ROBO1: variants seen among roughly 807,000 people sequenced by gnomAD.
The protein encoded by ROBO1 is roundabout guidance receptor 1.
In ROBO1, 149 loss-of-function variants were observed where a neutral mutation model predicts 195.9. That is an observed-to-expected ratio of 0.76 (90% CI 0.67 to 0.87). The LOEUF is 0.87. Ranked by LOEUF, ROBO1 falls within the 40% of genes least tolerant of loss-of-function variation. The pLI is 0.00. For missense variants in ROBO1, 1,933 were observed against 2,068.3 expected, an observed-to-expected ratio of 0.93 and a Z score of 1.27; for synonymous variants, 816 against 733.2, an observed-to-expected ratio of 1.11 and a Z score of -1.82.
intron 3 of ROBO1, among the ~76,000 whole-genome samples, chr3:79,072,394 T>G (rs551459719): frequency 1.3e-5 from 2 of 152,012 alleles, no homozygotes; most frequent in African/African-American, 4.8e-5. Context: ...CTAATATATA[T>G]TACTTTGGGA....
At chr3:78,884,889 T>C (rs1053740231) in intron 4 of ROBO1, among the ~76,000 whole-genome samples, 9 of 151,910 alleles carry the variant, frequency 5.9e-5, no homozygotes, top group African/African-American at 2.2e-4. Flanking sequence ...TGTGTGTGTG[T>C]GTGTATTTCT....
rs1225388171 is a variant in ROBO1 at position 79,717,461 on chromosome 3, T to C, written c.-51+50291A>G. ...CAATCTTGGTGAGCCAGGAAAAATA[T>C]ATGGCATGAAATAAACATTAATTGG... is the stretch of plus-strand genomic sequence containing the variant. On this transcript the variant is annotated intron_variant, in intron 1 of 30. Coordinates refer to ENST00000464233, the MANE Select transcript of ROBO1 (RefSeq NM_002941.4). Among the ~76,000 whole-genome samples, 5 of 152,112 alleles carry C rather than the reference T, an allele frequency of 3.3e-5. No homozygotes were observed. The East Asian group carries it at 9.7e-4, about 29-fold the overall frequency.
chr3:79,676,973 G>A (rs1169069234), intron 1 of ROBO1, among the ~76,000 whole-genome samples: 1 of 151,972 alleles, frequency 6.6e-6, no homozygotes, highest in Non-Finnish European at 1.5e-5. Context: ...GGGAACCTTG[G>A]GATTGGGTAG....
At chr3:79,756,175 A>G (rs1704382090) in intron 1 of ROBO1, among the ~76,000 whole-genome samples, 1 of 152,202 alleles carries the variant, frequency 6.6e-6, no homozygotes. Context: ...TCCTCCTAAT[A>G]TTAATAGGTG....
chr3:79,731,624 A>G (rs1029921001), intron 1 of ROBO1, among the ~76,000 whole-genome samples: 6 of 152,210 alleles, frequency 3.9e-5, no homozygotes, highest in Admixed American at 1.3e-4. Flanking sequence ...AAAGCATTAC[A>G]TATTGAGTAG....
chr3:78,924,808 T>G (rs1399446188), intron 4 of ROBO1, among the ~76,000 whole-genome samples: 2 of 152,164 alleles, frequency 1.3e-5, no homozygotes, highest in Non-Finnish European at 2.9e-5. Flanking sequence ...GTGTCTCACT[T>G]TAAACAAAAG....
At chr3:79,210,946 G>A (rs1473933686) in intron 2 of ROBO1, among the ~76,000 whole-genome samples, 1 of 151,968 alleles carries the variant, frequency 6.6e-6, no homozygotes, top group African/African-American at 2.4e-5. Context: ...TTCAAGCATA[G>A]TATCTCTGGA....
At chr3:79,100,670 G>T (rs1220566496) in intron 3 of ROBO1, among the ~76,000 whole-genome samples, 8 of 151,818 alleles carry the variant, frequency 5.3e-5, no homozygotes, top group Non-Finnish European at 1.2e-4. Context: ...TTTCCACTAA[G>T]TCTTCAAACA....
chr3:79,148,060 T>C (rs2080690498), intron 2 of ROBO1, among the ~76,000 whole-genome samples: 1 of 151,898 alleles, frequency 6.6e-6, no homozygotes, highest in African/African-American at 2.4e-5. Context: ...CTCTTTCTCT[T>C]TTCTTATCTG....
chr3:78,833,105 C>T (rs540688816), intron 4 of ROBO1, among the ~76,000 whole-genome samples: 57 of 151,850 alleles, frequency 3.8e-4, no homozygotes, highest in African/African-American at 1.2e-3. Flanking sequence ...AGATAGATCA[C>T]GGTGGCCACT....
chr3:78,940,127 T>C (rs966618880), intron 3 of ROBO1, among the ~76,000 whole-genome samples: 4 of 152,142 alleles, frequency 2.6e-5, no homozygotes, highest in African/African-American at 4.8e-5. Flanking sequence ...CATGCCCTCA[T>C]CTAGTGTTTC....
At chr3:79,069,660 T>C (rs1384227371) in intron 3 of ROBO1, among the ~76,000 whole-genome samples, 1 of 151,842 alleles carries the variant, frequency 6.6e-6, no homozygotes, top group Non-Finnish European at 1.5e-5. Context: ...CAGTAAGTGG[T>C]TACAGAACAA....
chr3:79,741,697 T>C (rs1703657182), intron 1 of ROBO1, among the ~76,000 whole-genome samples: 1 of 152,078 alleles, frequency 6.6e-6, no homozygotes, highest in Admixed American at 6.6e-5. Context: ...TTGGAACAGT[T>C]TGGAGGACTC....
At chr3:79,390,302 A>C (rs546765012) in intron 2 of ROBO1, among the ~76,000 whole-genome samples, 6 of 152,118 alleles carry the variant, frequency 3.9e-5, no homozygotes, top group Admixed American at 1.3e-4. Flanking sequence ...ACAACAACAA[A>C]GGAGGAAAAA....
At chr3:79,141,472 G>C (rs1462405552) in intron 2 of ROBO1, among the ~76,000 whole-genome samples, 1 of 151,934 alleles carries the variant, frequency 6.6e-6, no homozygotes, top group African/African-American at 2.4e-5. Context: ...GTGTCCAATC[G>C]AGGACCAGAA....
chr3:79,672,027 AT>A (rs1946647307), intron 1 of ROBO1, among the ~76,000 whole-genome samples: 1 of 151,974 alleles, frequency 6.6e-6, no homozygotes. Flanking sequence ...TAAGATTCTC[AT>A]TCATTGATCA....
At chr3:78,900,107 A>T (rs2037494659) in intron 4 of ROBO1, among the ~76,000 whole-genome samples, 1 of 152,190 alleles carries the variant, frequency 6.6e-6, no homozygotes, top group African/African-American at 2.4e-5. Context: ...AAACACTGAA[A>T]CCAGAAGACA....
At chr3:79,418,773 C>A (rs1002691266) in intron 2 of ROBO1, among the ~76,000 whole-genome samples, 15 of 152,226 alleles carry the variant, frequency 9.9e-5, no homozygotes, top group African/African-American at 3.6e-4. Flanking sequence ...CCCACAAATT[C>A]ATGATCATGC....
intron 2 of ROBO1, among the ~76,000 whole-genome samples, chr3:79,456,452 G>T (rs2039622372): frequency 6.6e-6 from 1 of 152,020 alleles, no homozygotes; most frequent in Non-Finnish European, 1.5e-5. Context: ...TTTTCTGGAG[G>T]CAGAGACACT....
Sources: allele counts gnomAD v4.1 joint callset (sites outside exome capture counted in the v4.1 genomes callset), GRCh38; gene constraint gnomAD v4.1.1; transcripts MANE v1.5; gene names NCBI Gene and HGNC (gene_info 2026-07-23, HGNC 2026-07-21).